ZNF423: variants seen among roughly 807,000 people sequenced by gnomAD.
The protein encoded by ZNF423 is zinc finger protein 423, also known as Ebf-associated zinc finger protein.
ZNF423 carries 12 observed loss-of-function variants against 95.8 expected under a neutral mutation model. The observed-to-expected ratio is 0.13, with a 90% confidence interval of 0.08 to 0.20. The LOEUF (loss-of-function observed/expected upper bound fraction) is 0.20, where lower values mean the gene tolerates loss of function less well. Among genes scored for constraint, ZNF423 ranks in the 10% least tolerant of loss-of-function variants. The probability of loss-of-function intolerance (pLI) is 1.00; values close to 1 mark genes in which losing one functional copy is unlikely to be tolerated. For missense variants in ZNF423, 1,316 were observed against 1,737.1 expected (o/e 0.76, Z 4.31); for synonymous variants, 749 against 711.9 (o/e 1.05, Z -0.83).
chr16:49,524,837 G>A (rs1313158092), intron 6 of ZNF423, among the ~76,000 whole-genome samples: 2 of 152,224 alleles, frequency 1.3e-5, no homozygotes, highest in East Asian at 1.9e-4. Flanking sequence ...GACTTGCCTC[G>A]GGCTGGGACA....
intron 3 of ZNF423, among the ~76,000 whole-genome samples, chr16:49,687,251 A>G (rs112645039): frequency 6.6e-6 from 1 of 151,146 alleles, no homozygotes; most frequent in African/African-American, 2.4e-5. Context: ...CTCTCAACAC[A>G]TTTTTCACCA....
At chr16:49,516,357 C>A (rs1211106276) in intron 7 of ZNF423, among the ~76,000 whole-genome samples, 1 of 152,230 alleles carries the variant, frequency 6.6e-6, no homozygotes, top group Non-Finnish European at 1.5e-5. Context: ...ATCCCCAAAG[C>A]CATCTGATCC....
At chr16:49,726,141 C>T (rs1342897087) in intron 3 of ZNF423, among the ~76,000 whole-genome samples, 2 of 152,198 alleles carry the variant, frequency 1.3e-5, no homozygotes, top group Non-Finnish European at 2.9e-5. Flanking sequence ...CCCCTGCTGA[C>T]AGCCCACTGT....
intron 3 of ZNF423, among the ~76,000 whole-genome samples, chr16:49,645,901 T>A (rs1052918359): frequency 6.6e-6 from 1 of 152,226 alleles, no homozygotes; most frequent in African/African-American, 2.4e-5. Context: ...GAAGGACATG[T>A]TTGTTTCCCC....
At position 49,492,421 on chromosome 16, in the gene ZNF423, G is replaced by T. The variant is rs1967006581; in HGVS notation, c.3850-1117C>A. On this transcript the variant is annotated intron_variant, in intron 7 of 7. Transcript: ENST00000563137. This position sits in a 1 kb window ranked among gnomAD's most constrained non-coding sequence, Gnocchi z 4.2. ...AGGCACCGCGTCTCTCCTGGGCTCG[G>T]GTCCGCGGCGAGGGCGACCAGGTGA... Among the ~76,000 whole-genome samples the T allele has an allele frequency of 6.6e-6, 1 of 152,180 alleles. No homozygotes were observed. Among genetic ancestry groups the T allele is most frequent in the Non-Finnish European group, 1.5e-5 (1 of 67,990 alleles).
intron 5 of ZNF423, among the ~76,000 whole-genome samples, chr16:49,605,398 C>T (rs904371122): frequency 2.0e-5 from 3 of 152,226 alleles, no homozygotes; most frequent in African/African-American, 7.2e-5. Context: ...CCTCTCAAAG[C>T]CTCAGCTTCC....
intron 2 of ZNF423, among the ~76,000 whole-genome samples, chr16:49,742,584 G>C (rs895836711): frequency 7.9e-5 from 12 of 151,952 alleles, no homozygotes; most frequent in African/African-American, 2.9e-4. Context: ...TTCTGCCCTC[G>C]CCTTGCTGTC....
At chr16:49,518,649 A>G in intron 7 of ZNF423, 1 of 397,566 alleles carries the variant, frequency 2.5e-6, no homozygotes, top group East Asian at 7.2e-5. Context: ...ACTGACAACT[A>G]CTGGTCTGTT....
intron 5 of ZNF423, among the ~76,000 whole-genome samples, chr16:49,580,871 A>G (rs1343268185): frequency 2.6e-5 from 4 of 152,164 alleles, no homozygotes; most frequent in Non-Finnish European, 5.9e-5. Flanking sequence ...AGAGCATAGA[A>G]ACGTGGACTG....
chr16:49,731,121 G>A, intron 2 of ZNF423, 150 bp from the exon 3 acceptor site: 9 of 973,364 alleles, frequency 9.2e-6, no homozygotes, highest in Non-Finnish European at 1.3e-5. Context: ...TTAATAGATG[G>A]GGTTTTTTTG....
chr16:49,754,901 T>C (rs540763331), intron 2 of ZNF423, among the ~76,000 whole-genome samples: 1 of 152,350 alleles, frequency 6.6e-6, no homozygotes, highest in Non-Finnish European at 1.5e-5. Context: ...CTGCAGACAA[T>C]TGGAACTTGG....
At chr16:49,656,842 T>C (rs2029897471) in intron 3 of ZNF423, among the ~76,000 whole-genome samples, 1 of 152,192 alleles carries the variant, frequency 6.6e-6, no homozygotes, top group South Asian at 2.1e-4. Context: ...AGCAATCTGA[T>C]GTGTTCCTAT....
intron 3 of ZNF423, among the ~76,000 whole-genome samples, chr16:49,716,391 T>C (rs2032707588): frequency 6.6e-6 from 1 of 152,054 alleles, no homozygotes; most frequent in South Asian, 2.1e-4. Context: ...GAGGTGCAGG[T>C]GTGCTCCCCC....
chr16:49,734,254 G>GCTGCT (rs1275646146), intron 2 of ZNF423, among the ~76,000 whole-genome samples: 2 of 152,200 alleles, frequency 1.3e-5, no homozygotes, highest in Non-Finnish European at 2.9e-5. Flanking sequence ...TGTCCTGTGT[G>GCTGCT]CTGCTCTGTC....
chr16:49,495,776 A>G (rs931118659), intron 7 of ZNF423, among the ~76,000 whole-genome samples: 4 of 152,180 alleles, frequency 2.6e-5, no homozygotes, highest in African/African-American at 9.7e-5. Flanking sequence ...GCCCTGGCTC[A>G]GCCCACCTCC....
intron 5 of ZNF423, among the ~76,000 whole-genome samples, 183 bp from the exon 6 acceptor site, chr16:49,525,677 C>T (rs1179385490): frequency 1.3e-5 from 2 of 152,140 alleles, no homozygotes; most frequent in Non-Finnish European, 1.5e-5. Flanking sequence ...TAGAGGCTTA[C>T]AGACCCCAGA....
intron 1 of ZNF423, among the ~76,000 whole-genome samples, chr16:49,827,196 C>T (rs2035013977): frequency 6.6e-6 from 1 of 152,154 alleles, no homozygotes; most frequent in South Asian, 2.1e-4. Flanking sequence ...GACCTCATCA[C>T]CCACTTCTCC....
At chr16:49,790,955 C>A (rs920476889) in intron 1 of ZNF423, among the ~76,000 whole-genome samples, 1 of 152,140 alleles carries the variant, frequency 6.6e-6, no homozygotes, top group African/African-American at 2.4e-5. Context: ...GAGTGGGGGT[C>A]GATGCCACAA....
intron 5 of ZNF423, among the ~76,000 whole-genome samples, chr16:49,553,172 GA>G (rs1462163949): frequency 1.3e-5 from 2 of 152,086 alleles, no homozygotes; most frequent in African/African-American, 4.8e-5. Context: ...GAAGTCACTG[GA>G]AAAATGATAA....
Sources: allele counts gnomAD v4.1 joint callset (sites outside exome capture counted in the v4.1 genomes callset), GRCh38; gene constraint gnomAD v4.1.1; non-coding constraint Gnocchi (gnomAD v3.1); transcripts MANE v1.5; gene names NCBI Gene and HGNC (gene_info 2026-07-23, HGNC 2026-07-21).